The following ERBIN variants were observed in gnomAD, a reference collection of about 807,000 sequenced individuals.
ERBIN encodes the protein erbb2 interacting protein.
ERBIN carries 60 observed loss-of-function variants against 158.4 expected under a neutral mutation model. That is an observed-to-expected ratio of 0.38 (90% CI 0.31 to 0.47). The LOEUF is 0.47. Ranked by LOEUF, ERBIN falls within the 20% of genes least tolerant of loss-of-function variation. The probability of loss-of-function intolerance (pLI) is 0.99; values close to 1 mark genes in which losing one functional copy is unlikely to be tolerated. For missense variants in ERBIN, 1,610 were observed against 1,648.0 expected (o/e 0.98, Z 0.40); for synonymous variants, 594 against 557.2 (o/e 1.07, Z -0.93).
intron 20 of ERBIN, among the ~76,000 whole-genome samples, chr5:66,052,964 G>A (rs1429921497): frequency 6.6e-6 from 1 of 152,090 alleles, no homozygotes; most frequent in Non-Finnish European, 1.5e-5. Context: ...AATAATGTAA[G>A]GCTTCAAAAT....
At chr5:65,979,906 G>A (rs1039002991) in intron 1 of ERBIN, among the ~76,000 whole-genome samples, 10 of 152,104 alleles carry the variant, frequency 6.6e-5, no homozygotes, top group Non-Finnish European at 1.2e-4. Context: ...ACAAAAGTTG[G>A]AAGTAAATAT....
chr5:66,050,679 A>T (rs547204103), intron 19 of ERBIN, 104 bp from the exon 20 acceptor site: 2 of 608,010 alleles, frequency 3.3e-6, no homozygotes, highest in Admixed American at 7.0e-5. Flanking sequence ...TTATTACCTC[A>T]TATATAGAAC....
At position 65,988,682 on chromosome 5, in the gene ERBIN, G is replaced by A. The variant is rs1247991307; in HGVS notation, c.-10G>A. ...ATCAGGGAGATAAATTCAACCCAGT[G>A]GTAAGTAACTTCAATTTCTTTTGGT... On this transcript the variant is annotated splice_region_variant and 5_prime_UTR_variant, in exon 2 of 26. The change creates a new upstream start codon in the 5' untranslated region. Transcript: ENST00000284037. 1 of 152,050 alleles carries A rather than the reference G, an allele frequency of 6.6e-6. No individual in the cohort carries two copies. Among genetic ancestry groups the A allele is most frequent in the Non-Finnish European group, 1.5e-5 (1 of 68,008 alleles). The allele number at this position is 152,050 out of a possible 1,614,324, so 9.4% of individuals were successfully genotyped here. A position where few individuals can be genotyped will look rare whatever the true frequency, so the allele number is the denominator to read the frequency against.
At position 65,992,898 on chromosome 5, in the gene ERBIN, G is replaced by T. The variant is rs186555721; in HGVS notation, c.180G>T (p.Glu60Asp). 5.7e-5 allele frequency: 90 copies of T among 1,585,644 alleles called. No homozygotes were observed. The highest frequency in any genetic ancestry group is 7.3e-5 in the Non-Finnish European group (85 of 1,169,714). Residue 60 changes from glutamate to aspartate, a missense_variant, in exon 3 of 26, where the codon GAG becomes GAT. Transcript: ENST00000284037. ...ELYLDANQIE[E>D]LPKQLFNCQS... is the part of the protein sequence containing the mutation. Reference sequence around the variant, plus strand: ...ATTTAGATGCTAATCAGATTGAAGAGCTTCCAAAGGTATGCTAATACTTTC... The same window carrying T: ...ATTTAGATGCTAATCAGATTGAAGATCTTCCAAAGGTATGCTAATACTTTC...
chr5:65,977,941 G>A (rs889037451), intron 1 of ERBIN, among the ~76,000 whole-genome samples: 3 of 151,560 alleles, frequency 2.0e-5, no homozygotes, highest in East Asian at 1.9e-4. Flanking sequence ...GATCACTCGC[G>A]GTTAGGGAGA....
At chr5:65,941,017 C>T (rs998426489) in intron 1 of ERBIN, among the ~76,000 whole-genome samples, 21 of 151,958 alleles carry the variant, frequency 1.4e-4, no homozygotes, top group Non-Finnish European at 2.1e-4. Flanking sequence ...GTGACCCTAC[C>T]CCCAACCCTG....
At chr5:65,945,167 T>C (rs938242083) in intron 1 of ERBIN, among the ~76,000 whole-genome samples, 3 of 152,368 alleles carry the variant, frequency 2.0e-5, no homozygotes, top group East Asian at 1.9e-4. Flanking sequence ...GGTTTCTCTT[T>C]TGAATGTCTT....
chr5:65,967,278 A>G (rs1748751992), intron 1 of ERBIN, among the ~76,000 whole-genome samples: 1 of 152,224 alleles, frequency 6.6e-6, no homozygotes, highest in African/African-American at 2.4e-5. Context: ...CTAAGTGTTT[A>G]TAAAGTCTGC....
chr5:66,063,546 TCTGCACCCACTGTC>T (rs951824539), intron 21 of ERBIN, among the ~76,000 whole-genome samples: 22 of 152,038 alleles, frequency 1.4e-4, no homozygotes, highest in Admixed American at 2.6e-4. Context: ...CACCCACTGT[TCTGCACCCACTGTC>T]CGGCACTCCC....
At chr5:65,940,434 C>T (rs1480683429) in intron 1 of ERBIN, among the ~76,000 whole-genome samples, 2 of 138,034 alleles carry the variant, frequency 1.4e-5, no homozygotes, top group Non-Finnish European at 1.5e-5. Flanking sequence ...CAGCCCCCCG[C>T]CCGGCCAGCT....
rs902923910 is a variant in ERBIN at position 65,945,974 on chromosome 5, GTTTTTTATTTTTA to G, written c.-58+19184_-58+19196del. On this transcript the variant is annotated intron_variant, in intron 1 of 25. Coordinates refer to ENST00000284037, the MANE Select transcript of ERBIN (RefSeq NM_001253697.2). ...AGTTCCATCATCCCAAGGATCACCT[GTTTTTTATTTTTA>G]TTTTTTATTTTTATTGCTATCACAG... Among the ~76,000 whole-genome samples the G allele has an allele frequency of 3.3e-5, 5 of 152,090 alleles. No individual in the cohort carries two copies. In the East Asian group the frequency reaches 5.8e-4, roughly 18 times the overall value.
At chr5:65,963,770 G>T (rs1307828328) in intron 1 of ERBIN, among the ~76,000 whole-genome samples, 2 of 149,704 alleles carry the variant, frequency 1.3e-5, no homozygotes, top group African/African-American at 4.9e-5. Context: ...TGCGTTTTTG[G>T]TATGACTATT....
chr5:65,967,690 A>G (rs1347602589), intron 1 of ERBIN, among the ~76,000 whole-genome samples: 1 of 152,248 alleles, frequency 6.6e-6, no homozygotes, highest in East Asian at 1.9e-4. Flanking sequence ...TGTTTCTTCC[A>G]ACAAAGATGC....
Position 66,054,373 on chromosome 5 carries a change from C to G in ERBIN, c.3055C>G (p.Gln1019Glu). ...LLPRSESTEN[Q>E]SYAKHSANMN... ...TCCTAGATCAGAGAGCACAGAAAAT[C>G]AAAGTTATGCTAAACATTCTGCCAA... The change falls in exon 21 of 26, where the codon CAA (glutamine) becomes GAA (glutamate). Residue 1019 changes from glutamine (Q) to glutamate (E), a missense_variant. This residue lies in a region of ERBIN where 1,014 missense variants were observed against 936.1 expected (regional missense o/e 1.08). Transcript: ENST00000284037. 1.2e-6 allele frequency: 2 copies of G among 1,614,126 alleles called. No individual in the cohort carries two copies. Among genetic ancestry groups the G allele is most frequent in the Non-Finnish European group, 1.7e-6 (2 of 1,180,026 alleles).
chr5:66,013,714 GTAC>G, intron 6 of ERBIN, 76 bp downstream of exon 6: 1 of 900,634 alleles, frequency 1.1e-6, no homozygotes, highest in Non-Finnish European at 1.8e-6. Context: ...TGCTTTGGTA[GTAC>G]TACTCATTAC....
intron 14 of ERBIN, among the ~76,000 whole-genome samples, chr5:66,031,517 C>T (rs1428335439): frequency 1.3e-5 from 2 of 152,192 alleles, no homozygotes. Flanking sequence ...GAAATGCCTG[C>T]AGTGCCTGAA....
chr5:65,927,823 T>A (rs563512863), intron 1 of ERBIN, among the ~76,000 whole-genome samples: 1 of 152,330 alleles, frequency 6.6e-6, no homozygotes, highest in East Asian at 1.9e-4. Flanking sequence ...CTATGAACAC[T>A]TCTGAACCAA....
At chr5:65,956,548 T>A (rs568599144) in intron 1 of ERBIN, among the ~76,000 whole-genome samples, 43 of 150,022 alleles carry the variant, frequency 2.9e-4, no homozygotes, top group Admixed American at 1.0e-3. Context: ...TTTTTTACTT[T>A]TTTTTTTTTT....
At chr5:66,066,454 T>C (rs1451427985) in intron 21 of ERBIN, among the ~76,000 whole-genome samples, 2 of 151,752 alleles carry the variant, frequency 1.3e-5, no homozygotes, top group African/African-American at 4.9e-5. Flanking sequence ...GTAGTAATAA[T>C]CTATTGAAGC....
Sources: allele counts gnomAD v4.1 joint callset (sites outside exome capture counted in the v4.1 genomes callset), GRCh38; gene constraint gnomAD v4.1.1; regional missense constraint gnomAD v4.1.1; transcripts MANE v1.5; gene names NCBI Gene and HGNC (gene_info 2026-07-23, HGNC 2026-07-21).